Variants in PSEN1 observed in about 807,000 individuals in gnomAD.
PSEN1 encodes the protein presenilin-1.
Under a neutral mutation model 53.5 loss-of-function variants are expected in PSEN1, and 15 were observed. The observed-to-expected ratio is 0.28, with a 90% confidence interval of 0.19 to 0.43. The LOEUF is 0.43. Among genes scored for constraint, PSEN1 ranks in the 20% least tolerant of loss-of-function variants. The probability of loss-of-function intolerance (pLI) is 1.00; values close to 1 mark genes in which losing one functional copy is unlikely to be tolerated. For synonymous variants in PSEN1, 208 were observed against 209.8 expected (o/e 0.99, Z 0.08); for missense variants, 387 against 571.2 (o/e 0.68, Z 3.29).
At chr14:73,175,478 C>CAA (rs757776517) in intron 5 of PSEN1, among the ~76,000 whole-genome samples, 3 of 134,652 alleles carry the variant, frequency 2.2e-5, no homozygotes, top group African/African-American at 8.2e-5. Context: ...CTATCTCTAC[C>CAA]AAAAAAAAAA....
intron 5 of PSEN1, among the ~76,000 whole-genome samples, chr14:73,178,468 G>T (rs560242968): frequency 6.6e-6 from 1 of 151,942 alleles, no homozygotes; most frequent in Admixed American, 6.6e-5. Context: ...GATTACAGAC[G>T]TGAGCCACCA....
intron 5 of PSEN1, among the ~76,000 whole-genome samples, chr14:73,184,593 C>T (rs1309619559): frequency 8.3e-6 from 1 of 121,002 alleles, no homozygotes; most frequent in African/African-American, 3.2e-5. Flanking sequence ...TAGGGGCGGC[C>T]GGGCAGAGGC....
intron 1 of PSEN1, among the ~76,000 whole-genome samples, chr14:73,143,160 C>T (rs1342794107): frequency 1.3e-5 from 2 of 152,292 alleles, no homozygotes; most frequent in Non-Finnish European, 1.5e-5. Flanking sequence ...GATACTGGAC[C>T]GAAATCAAAT....
chr14:73,206,326 T>G, intron 8 of PSEN1, 60 bp from the exon 9 acceptor site: 2 of 1,167,422 alleles, frequency 1.7e-6, no homozygotes, highest in Middle Eastern at 1.9e-4. Flanking sequence ...GATGGCTTGT[T>G]GTTGTCTATG....
At chr14:73,214,469 G>A (rs1392808654) in intron 10 of PSEN1, among the ~76,000 whole-genome samples, 1 of 150,924 alleles carries the variant, frequency 6.6e-6, no homozygotes, top group Non-Finnish European at 1.5e-5. Context: ...GGTGGAGGTT[G>A]CAGTGAGCTG....
At chr14:73,138,938 GC>G (rs747007019) in intron 1 of PSEN1, among the ~76,000 whole-genome samples, 10 of 149,614 alleles carry the variant, frequency 6.7e-5, no homozygotes, top group Non-Finnish European at 1.3e-4. Context: ...CTGCACTCCA[GC>G]CTGGGCGACA....
At position 73,195,320 on chromosome 14, in the gene PSEN1, G is replaced by A. The variant is rs576496602; in HGVS notation, c.769+2456G>A. Among the ~76,000 whole-genome samples the A allele has an allele frequency of 3.3e-5, 5 of 151,942 alleles. No homozygotes were observed. In the South Asian group the frequency reaches 6.2e-4, roughly 19 times the overall value. The stretch of plus-strand genomic sequence containing the variant: ...TCCGAGTAGCTGGGACTACAAGTGC[G>A]CACCACCACGCCCAGCTAATTTTTG... On this transcript the variant is annotated intron_variant, in intron 7 of 11. Transcript: ENST00000324501.
chr14:73,181,835 A>G (rs2140062343), intron 5 of PSEN1, among the ~76,000 whole-genome samples: 1 of 152,176 alleles, frequency 6.6e-6, no homozygotes, highest in Admixed American at 6.5e-5. Context: ...ATGTAGTGGC[A>G]CTGTCTCGGC....
chr14:73,211,838 C>T lies in PSEN1; in HGVS notation c.1025C>T (p.Ala342Val), dbSNP rs760051592. The T allele has an allele frequency of 1.9e-6, 3 of 1,614,032 alleles. No homozygotes were observed. Among genetic ancestry groups the T allele is most frequent in the Admixed American group, 1.7e-5 (1 of 60,004 alleles). ...GGCGGGTTCAGTGAGGAATGGGAAG[C>T]CCAGAGGGACAGTCATCTAGGGCCT... ...DDGGFSEEWE[A>V]QRDSHLGPHR... The change falls in exon 10 of 12, where the codon GCC becomes GTC. Residue 342 changes from alanine to valine, a missense_variant. By Grantham distance (64) the Ala-to-Val change is moderately conservative. Transcript: ENST00000324501.
rs1209430629 is a variant in PSEN1 at position 73,212,684 on chromosome 14, ATTTC to A, written c.1129+745_1129+748del. 2.6e-5 allele frequency among the ~76,000 whole-genome samples: 4 copies of A among 152,318 alleles called. No individual in the cohort carries two copies. In the East Asian group the frequency reaches 7.7e-4, roughly 29 times the overall value. ...TTAGGATATTGGCAGAAATGCAAGT[ATTTC>A]TTCAGTGTCTAAGATGTGTTGCCAC... On this transcript the variant is annotated intron_variant, in intron 10 of 11. Transcript: ENST00000324501.
chr14:73,170,452 G>C (rs748522107), intron 3 of PSEN1, among the ~76,000 whole-genome samples: 3 of 152,196 alleles, frequency 2.0e-5, no homozygotes, highest in African/African-American at 4.8e-5. Flanking sequence ...ATCACAGAAA[G>C]CTGAATTTGA....
intron 8 of PSEN1, among the ~76,000 whole-genome samples, chr14:73,202,161 C>T (rs1566647865): frequency 6.6e-6 from 1 of 151,716 alleles, no homozygotes. Flanking sequence ...TCTCCTGCCT[C>T]AGCCTCCCGA....
At chr14:73,177,405 G>T (rs1461493460) in intron 5 of PSEN1, among the ~76,000 whole-genome samples, 1 of 151,964 alleles carries the variant, frequency 6.6e-6, no homozygotes, top group Non-Finnish European at 1.5e-5. Flanking sequence ...TTTTGTTTTT[G>T]TTTTTGTTTT....
At chr14:73,143,924 G>A (rs1446078533) in intron 1 of PSEN1, among the ~76,000 whole-genome samples, 1 of 134,170 alleles carries the variant, frequency 7.5e-6, no homozygotes, top group African/African-American at 2.9e-5. Context: ...AGGAGTTCAA[G>A]GCTGCAGTGA....
rs113386556 is a variant in PSEN1 at position 73,141,717 on chromosome 14, G to A, written c.-136+5134G>A. ...GGAGAATTGCTTGAACCCAGGAGGT[G>A]GAAGTTGCAGTGAGCCATGATCGTG... On this transcript the variant is annotated intron_variant, in intron 1 of 11. Transcript: ENST00000324501. Among the ~76,000 whole-genome samples, 564 of 152,232 alleles carry A rather than the reference G, an allele frequency of 3.7e-3. 4 individuals are homozygous for A. Among genetic ancestry groups the A allele is most frequent in the African/African-American group, 0.013 (522 of 41,538 alleles).
At chr14:73,214,142 G>C (rs895707358) in intron 10 of PSEN1, among the ~76,000 whole-genome samples, 1 of 151,860 alleles carries the variant, frequency 6.6e-6, no homozygotes, top group Non-Finnish European at 1.5e-5. Context: ...AATATTACTT[G>C]GTTATAAAAA....
At chr14:73,153,018 C>A (rs1367881075) in intron 3 of PSEN1, among the ~76,000 whole-genome samples, 1 of 152,156 alleles carries the variant, frequency 6.6e-6, no homozygotes, top group East Asian at 1.9e-4. Flanking sequence ...CCATTGTACT[C>A]CAGCCTAGGT....
At chr14:73,180,963 CT>C (rs1362534508) in intron 5 of PSEN1, among the ~76,000 whole-genome samples, 10 of 152,036 alleles carry the variant, frequency 6.6e-5, no homozygotes, top group Non-Finnish European at 1.3e-4. Context: ...AGTAATTTTG[CT>C]TTTATGATAT....
chr14:73,185,608 T>C (rs1566637815), intron 5 of PSEN1, among the ~76,000 whole-genome samples: 3 of 151,422 alleles, frequency 2.0e-5, no homozygotes, highest in Non-Finnish European at 1.5e-5. Flanking sequence ...AGGGAGACCG[T>C]GGGGAGAGAG....
Sources: allele counts gnomAD v4.1 joint callset (sites outside exome capture counted in the v4.1 genomes callset), GRCh38; gene constraint gnomAD v4.1.1; transcripts MANE v1.5; gene names NCBI Gene and HGNC (gene_info 2026-07-23, HGNC 2026-07-21).